The following GARNL3 variants were observed in gnomAD, a reference collection of about 807,000 sequenced individuals.
GARNL3 encodes GTPase activating Rap/RanGAP domain like 3, also known as GTPase-activating Rap/Ran-GAP domain-like protein 3.
In GARNL3, 63 loss-of-function variants were observed where a neutral mutation model predicts 125.0. The observed-to-expected ratio is 0.50, with a 90% CI of 0.41 to 0.62. The LOEUF is 0.62. Ranked by LOEUF, GARNL3 falls within the 20% of genes least tolerant of loss-of-function variation. GARNL3 has a pLI of 0.00. For synonymous variants in GARNL3, 439 were observed against 457.5 expected (o/e 0.96, Z 0.52); for missense variants, 994 against 1,244.0 (o/e 0.80, Z 3.02).
intron 22 of GARNL3, among the ~76,000 whole-genome samples, chr9:127,371,717 A>G (rs180750356): frequency 4.1e-4 from 63 of 152,360 alleles, no homozygotes; most frequent in African/African-American, 1.5e-3. Flanking sequence ...TTTTTAATCA[A>G]GTGAGTCACA....
At chr9:127,284,939 G>C (rs1244485557) in intron 1 of GARNL3, among the ~76,000 whole-genome samples, 2 of 152,008 alleles carry the variant, frequency 1.3e-5, no homozygotes, top group Admixed American at 1.3e-4. Context: ...CTGAACTCCT[G>C]GTCTCAAGCG....
intron 5 of GARNL3, 93 bp from the exon 6 acceptor site, chr9:127,320,622 T>G (rs2065370141): frequency 1.3e-6 from 1 of 780,816 alleles, no homozygotes; most frequent in Non-Finnish European, 2.2e-6. Context: ...ATCTTCTGAG[T>G]GTCAGGCCCT....
Position 127,390,661 on chromosome 9 carries a change from C to A in GARNL3, c.2764C>A (p.Pro922Thr). Residue 922 changes from proline to threonine, a missense_variant, in exon 27 of 28, where the codon CCC (proline) becomes ACC (threonine). Coordinates refer to ENST00000373387, the MANE Select transcript of GARNL3 (RefSeq NM_032293.5). ...TCCAGGCCTCTCGGATGAAGGTGGA[C>A]CCAAGTCAGAAGGAGCGCCAAAGGC... is the stretch of plus-strand genomic sequence containing the variant. Reference protein sequence around the residue: ...ELLGLSDEGGPKSEGAPKAKS... With the variant: ...ELLGLSDEGGTKSEGAPKAKS... 3 of 1,613,916 alleles carry A rather than the reference C, an allele frequency of 1.9e-6. No homozygotes were observed. Among genetic ancestry groups the A allele is most frequent in the Non-Finnish European group, 2.5e-6 (3 of 1,179,868 alleles).
At position 127,390,724 on chromosome 9, in the gene GARNL3, G is replaced by T; in HGVS notation, c.2827G>T (p.Gly943Ter). Residue 943 changes from glycine to a stop codon, truncating the protein, a stop_gained, in exon 27 of 28, where the codon GGA becomes TGA. Coordinates refer to ENST00000373387, the MANE Select transcript of GARNL3 (RefSeq NM_032293.5). LOFTEE classifies it high-confidence loss of function. ...KPRKRLEESQGGPKPGAVRSS... is the reference protein window; with the variant it reads ...KPRKRLEESQ ...CCGGAAGCGGTTAGAAGAAAGCCAAGGAGGCCCCAAGCCAGGGGCAGTGAG... is the reference window on the plus strand; with the variant it reads ...CCGGAAGCGGTTAGAAGAAAGCCAATGAGGCCCCAAGCCAGGGGCAGTGAG... 1 of 1,613,980 alleles carries T rather than the reference G, an allele frequency of 6.2e-7. No homozygotes were observed. Among genetic ancestry groups the T allele is most frequent in the Non-Finnish European group, 8.5e-7 (1 of 1,179,892 alleles).
upstream of GARNL3, among the ~76,000 whole-genome samples, chr9:127,259,861 C>A (rs1447748206): frequency 1.3e-5 from 2 of 151,532 alleles, no homozygotes; most frequent in African/African-American, 2.4e-5. Context: ...ATTGTGAGAC[C>A]CCCCCGCCCA....
At chr9:127,260,095 A>G (rs2063559315), upstream of GARNL3, among the ~76,000 whole-genome samples, 1 of 152,174 alleles carries the variant, frequency 6.6e-6, no homozygotes, top group Non-Finnish European at 1.5e-5. Context: ...TTTCAATTGC[A>G]TTGTACAGAT....
chr9:127,283,222 A>G (rs1227810884), intron 1 of GARNL3, among the ~76,000 whole-genome samples: 1 of 152,234 alleles, frequency 6.6e-6, no homozygotes, highest in East Asian at 1.9e-4. Flanking sequence ...AAAAATATGT[A>G]TAATTGGACA....
In GARNL3 at chr9:127,384,946, G is replaced by A; in HGVS notation, c.2270-81G>A. 1.4e-6 allele frequency: 1 copy of A among 699,188 alleles called. No individual in the cohort carries two copies. The highest frequency in any genetic ancestry group is 2.4e-6 in the Non-Finnish European group (1 of 410,884). 43.3% of individuals were successfully genotyped at this position (699,188 alleles called of 1,614,324 possible). On this transcript the variant is annotated intron_variant, in intron 23 of 27. Transcript: ENST00000373387. This position sits in a 1 kb window ranked among gnomAD's most constrained non-coding sequence, Gnocchi z 4.0. ...GAGAGATGGAAGTTTCTAGAGAAGT[G>A]AGTGTGACTATGACACAGTCACAGC...
intron 1 of GARNL3, among the ~76,000 whole-genome samples, chr9:127,290,588 G>A (rs1373580794): frequency 1.3e-5 from 2 of 152,190 alleles, no homozygotes; most frequent in Non-Finnish European, 2.9e-5. Flanking sequence ...CCAAGCCCTG[G>A]TGTGTTCACT....
intron 1 of GARNL3, among the ~76,000 whole-genome samples, chr9:127,240,579 T>A (rs977076083): frequency 1.1e-4 from 16 of 152,184 alleles, no homozygotes; most frequent in Admixed American, 2.0e-4. Flanking sequence ...CATATGTGAC[T>A]TTACATTTTC....
At chr9:127,319,743 T>C (rs555766224) in intron 5 of GARNL3, among the ~76,000 whole-genome samples, 37 of 152,280 alleles carry the variant, frequency 2.4e-4, no homozygotes, top group African/African-American at 8.4e-4. Context: ...ATTATACTGG[T>C]TTAAGATTTC....
At chr9:127,335,162 C>A in intron 9 of GARNL3, 68 bp from the exon 10 acceptor site, 3 of 1,072,056 alleles carry the variant, frequency 2.8e-6, no homozygotes, top group Non-Finnish European at 4.4e-6. Flanking sequence ...CCCTAGTCTG[C>A]AAATGAAAAT....
intron 20 of GARNL3, among the ~76,000 whole-genome samples, chr9:127,356,253 C>T (rs1333860146): frequency 6.6e-6 from 1 of 152,156 alleles, no homozygotes; most frequent in African/African-American, 2.4e-5. Flanking sequence ...AGTGCAGCAT[C>T]CTGGCAAGAA....
At chr9:127,294,538 A>G (rs965577136) in intron 2 of GARNL3, among the ~76,000 whole-genome samples, 23 of 152,196 alleles carry the variant, frequency 1.5e-4, no homozygotes, top group Middle Eastern at 3.4e-3. Flanking sequence ...TCCTGACCTC[A>G]TGATCTGCCA....
chr9:127,235,209 A>G (rs1005869034), intron 1 of GARNL3, among the ~76,000 whole-genome samples: 1 of 151,148 alleles, frequency 6.6e-6, no homozygotes, highest in Non-Finnish European at 1.5e-5. Context: ...AAAATCTAGT[A>G]TGCATTTTAC....
At chr9:127,370,990 C>T (rs1313850123) in intron 22 of GARNL3, among the ~76,000 whole-genome samples, 2 of 152,202 alleles carry the variant, frequency 1.3e-5, no homozygotes, top group Non-Finnish European at 2.9e-5. Flanking sequence ...CCACCCTGAA[C>T]TCGAGATCTT....
At chr9:127,226,625 C>T (rs190277483) in intron 1 of GARNL3, among the ~76,000 whole-genome samples, 1 of 152,210 alleles carries the variant, frequency 6.6e-6, no homozygotes, top group Admixed American at 6.5e-5. Context: ...TCTTTCCTTT[C>T]CTCTCTGTAT....
At chr9:127,283,608 T>C (rs1263155926) in intron 1 of GARNL3, among the ~76,000 whole-genome samples, 1 of 152,164 alleles carries the variant, frequency 6.6e-6, no homozygotes, top group African/African-American at 2.4e-5. Context: ...AGGTCAAAGC[T>C]GCAGTGAGCC....
Position 127,332,300 on chromosome 9 carries a change from T to A in GARNL3, c.621T>A (p.Val207=). The change falls in exon 8 of 28, where the codon GTT becomes GTA. Residue 207 remains valine (V), a synonymous_variant. Transcript: ENST00000373387. ...GCTCTGTGAATTTCAAGTTTGGGGT[T>A]CTTTTTGCCAAAGATGGGCAGCTCA... ...QEGSVNFKFG[V]LFAKDGQLTD... 6.2e-7 allele frequency: 1 copy of A among 1,613,938 alleles called. No individual in the cohort carries two copies. Among genetic ancestry groups the A allele is most frequent in the Non-Finnish European group, 8.5e-7 (1 of 1,179,826 alleles).
Sources: allele counts gnomAD v4.1 joint callset (sites outside exome capture counted in the v4.1 genomes callset), GRCh38; gene constraint gnomAD v4.1.1; non-coding constraint Gnocchi (gnomAD v3.1); transcripts MANE v1.5; gene names NCBI Gene and HGNC (gene_info 2026-07-23, HGNC 2026-07-21).